C3orf22: variants seen among roughly 807,000 people sequenced by gnomAD.
C3orf22 encodes the protein uncharacterized protein C3orf22.
In C3orf22, 7 loss-of-function variants were observed where a neutral mutation model predicts 10.8. The ratio of observed to expected loss-of-function variants is 0.65; its 90% CI spans 0.37 to 1.22. The LOEUF is 1.22. Ranked by LOEUF, C3orf22 falls within the 50% of genes most tolerant of loss-of-function variation. The pLI is 0.02. For missense variants in C3orf22, 173 were observed against 177.0 expected (o/e 0.98, Z 0.13); for synonymous variants, 79 against 78.9 (o/e 1.00, Z 0.00).
At chr3:126,542,350 G>C (rs1576238950) in intron 4 of C3orf22, 1 of 1,567,212 alleles carries the variant, frequency 6.4e-7, no homozygotes, top group Non-Finnish European at 8.6e-7. Flanking sequence ...TCGTGGGCAA[G>C]TTCGAGACGC....
intron 4 of C3orf22, among the ~76,000 whole-genome samples, chr3:126,538,493 C>T (rs567559401): frequency 2.6e-5 from 4 of 152,346 alleles, no homozygotes; most frequent in Admixed American, 6.5e-5. Context: ...GCTTCAGCAA[C>T]GACACACGAA....
intron 2 of C3orf22, among the ~76,000 whole-genome samples, chr3:126,553,074 G>A (rs569781978): frequency 3.7e-4 from 57 of 152,354 alleles, no homozygotes; most frequent in Non-Finnish European, 6.8e-4. Flanking sequence ...CTGGGCTCTG[G>A]GATGACCCAG....
intron 4 of C3orf22, chr3:126,543,374 C>G (rs921306299): frequency 6.6e-6 from 1 of 152,252 alleles, no homozygotes; most frequent in Non-Finnish European, 1.5e-5. Flanking sequence ...CGTCTCCAAG[C>G]CTTTGTTTCC....
intron 4 of C3orf22, chr3:126,542,325 G>A: frequency 1.3e-6 from 2 of 1,567,952 alleles, no homozygotes; most frequent in African/African-American, 1.4e-5. Context: ...CACCCGTGTC[G>A]CCTCCGCTAC....
At position 126,542,154 on chromosome 3, in the gene C3orf22, G is replaced by A. The variant is rs748423366; in HGVS notation, c.286+7383C>T. ...AGCGCCGCCTTCCAGAGGCGCTACG[G>A]TGCACGCATCGTTCAGCGCCTGCGG... On this transcript the variant is annotated intron_variant and NMD_transcript_variant, in intron 4 of 5. Transcript: ENST00000505070. The A allele has an allele frequency of 2.6e-6, 4 of 1,529,204 alleles. No individual in the cohort carries two copies. In the East Asian group the frequency reaches 7.6e-5, roughly 29 times the overall value. The allele number at this position is 1,529,204 out of a possible 1,614,324, so 94.7% of individuals were successfully genotyped here.
At chr3:126,550,285 C>G (rs111677884) in intron 3 of C3orf22, among the ~76,000 whole-genome samples, 4 of 152,112 alleles carry the variant, frequency 2.6e-5, no homozygotes, top group South Asian at 2.1e-4. Context: ...CTCACCCCCC[C>G]ACACAGGCTC....
At chr3:126,527,553 C>T (rs1327535723) in exon 6 of C3orf22, 2 of 152,436 alleles carry the variant, frequency 1.3e-5, no homozygotes, top group Middle Eastern at 3.1e-3. Context: ...AAGTGCCCGT[C>T]TCTGAGCCAG....
At chr3:126,542,365 G>A (rs1185038122) in intron 4 of C3orf22, 41 of 1,561,488 alleles carry the variant, frequency 2.6e-5, no homozygotes, top group Non-Finnish European at 3.4e-5. Flanking sequence ...AGACGCTGGC[G>A]GAGGACGCGG....
chr3:126,548,507 G>A (rs772549395), downstream of C3orf22, among the ~76,000 whole-genome samples: 3 of 152,208 alleles, frequency 2.0e-5, no homozygotes, highest in Non-Finnish European at 4.4e-5. Flanking sequence ...CAACCTCCTC[G>A]AAGCTTATAC....
chr3:126,530,033 GC>G (rs35017523), intron 4 of C3orf22, among the ~76,000 whole-genome samples: 2 of 152,216 alleles, frequency 1.3e-5, no homozygotes, highest in Non-Finnish European at 2.9e-5. Context: ...GGGGGTGGAT[GC>G]CCCAGTGTGG....
At chr3:126,530,111 C>G (rs1936622664) in intron 4 of C3orf22, among the ~76,000 whole-genome samples, 1 of 152,240 alleles carries the variant, frequency 6.6e-6, no homozygotes, top group African/African-American at 2.4e-5. Context: ...AAGATACCCC[C>G]CTTCTGACCT....
chr3:126,529,247 A>T (rs1003098862), exon 5 of C3orf22: 21 of 1,123,914 alleles, frequency 1.9e-5, no homozygotes, highest in Admixed American at 6.9e-5. Context: ...TTGGCAGAGG[A>T]GGCCTTGCAA....
At chr3:126,551,253 C>G (rs1250975917) in intron 3 of C3orf22, among the ~76,000 whole-genome samples, 1 of 145,620 alleles carries the variant, frequency 6.9e-6, no homozygotes, top group South Asian at 2.1e-4. Flanking sequence ...CAGACCCCCC[C>G]CTGCCCCTGA....
At chr3:126,547,116 A>G (rs141412449), downstream of C3orf22, among the ~76,000 whole-genome samples, 147 of 152,258 alleles carry the variant, frequency 9.7e-4, no homozygotes, top group African/African-American at 3.4e-3. Flanking sequence ...ACCGTGCCTC[A>G]TCCTTTCTAC....
downstream of C3orf22, among the ~76,000 whole-genome samples, chr3:126,545,324 G>T (rs754558357): frequency 3.9e-5 from 6 of 152,234 alleles, no homozygotes; most frequent in Non-Finnish European, 5.9e-5. Context: ...CACCTCCCAG[G>T]ATGGGGTGCC....
At chr3:126,553,464 GGGTGGTGGGGGGCAGA>G in intron 1 of C3orf22, 34 bp from the exon 2 acceptor site, 2 of 1,306,072 alleles carry the variant, frequency 1.5e-6, no homozygotes, top group Non-Finnish European at 2.2e-6. Context: ...GAGGGGGCAG[GGGTGGTGGGGGGCAGA>G]AGGCAGAGTG....
intron 4 of C3orf22, among the ~76,000 whole-genome samples, chr3:126,532,913 C>T (rs1208168278): frequency 3.3e-5 from 5 of 152,100 alleles, no homozygotes; most frequent in Admixed American, 2.0e-4. Context: ...AATGTCTTTC[C>T]GTTCATTTGG....
exon 6 of C3orf22, chr3:126,527,433 C>T (rs1026607335): frequency 1.3e-5 from 2 of 152,348 alleles, no homozygotes; most frequent in African/African-American, 4.8e-5. Context: ...CATAGCCTCA[C>T]TCTCAGCTGC....
intron 4 of C3orf22, chr3:126,543,401 TAAG>T (rs779381961): frequency 1.1e-4 from 17 of 152,346 alleles, no homozygotes; most frequent in African/African-American, 2.9e-4. Flanking sequence ...CCAAGTGGCA[TAAG>T]AAGATCAGAT....
Sources: gnomAD v4.1 joint callset for allele counts (sites outside exome capture counted in the v4.1 genomes callset) on GRCh38, gnomAD v4.1.1 for gene constraint, MANE v1.5 for transcripts, NCBI Gene and HGNC (gene_info 2026-07-23, HGNC 2026-07-21) for gene names.